TOP6BL: variants seen among roughly 807,000 people sequenced by gnomAD.
TOP6BL encodes type 2 DNA topoisomerase 6 subunit B-like.
chr11:66,823,835 A>G, the TOP6BL span, among the ~76,000 whole-genome samples: 1 of 152,196 alleles, frequency 6.6e-6, no homozygotes. Context: ...ATAAGAAAAA[A>G]AGAACAGAGC....
the TOP6BL span, among the ~76,000 whole-genome samples, chr11:66,811,196 C>T: frequency 6.6e-6 from 1 of 151,188 alleles, no homozygotes; most frequent in African/African-American, 2.4e-5. Context: ...GAGATGGAGT[C>T]TCACTCTGTT....
At chr11:66,841,203 C>T in the TOP6BL span, among the ~76,000 whole-genome samples, 3 of 150,696 alleles carry the variant, frequency 2.0e-5, no homozygotes, top group African/African-American at 7.3e-5. Context: ...TGCAACCTCC[C>T]TGCCTCCCAA....
chr11:66,823,155 G>C, the TOP6BL span, among the ~76,000 whole-genome samples: 15 of 152,004 alleles, frequency 9.9e-5, no homozygotes, highest in South Asian at 2.9e-3. Flanking sequence ...TTAGCCAGTC[G>C]TGGTGGCAGT....
chr11:66,814,096 G>T, the TOP6BL span: 2 of 1,419,564 alleles, frequency 1.4e-6, no homozygotes, highest in Non-Finnish European at 1.9e-6. Context: ...AATAGAACGT[G>T]TGTATAAAAA....
chr11:66,802,841 T>C, the TOP6BL span, among the ~76,000 whole-genome samples: 1 of 152,332 alleles, frequency 6.6e-6, no homozygotes, highest in East Asian at 1.9e-4. Flanking sequence ...AGGTAGCAGC[T>C]CATCATCATA....
chr11:66,816,971 C>T, the TOP6BL span, among the ~76,000 whole-genome samples: 8 of 151,912 alleles, frequency 5.3e-5, no homozygotes, highest in Non-Finnish European at 8.8e-5. Flanking sequence ...CTAGCTAACA[C>T]GGCGAAACCC....
the TOP6BL span, among the ~76,000 whole-genome samples, chr11:66,841,974 G>C: frequency 4.6e-5 from 7 of 152,170 alleles, no homozygotes; most frequent in African/African-American, 1.7e-4. Flanking sequence ...TCACTTTGGG[G>C]AGCTGGGGCG....
At chr11:66,833,617 T>C in the TOP6BL span, among the ~76,000 whole-genome samples, 1 of 152,036 alleles carries the variant, frequency 6.6e-6, no homozygotes, top group African/African-American at 2.4e-5. Flanking sequence ...TGAAGTACTT[T>C]TACTTGGGCC....
the TOP6BL span, chr11:66,843,471 G>T: frequency 7.0e-7 from 1 of 1,427,398 alleles, no homozygotes; most frequent in East Asian, 2.9e-5. Context: ...GGCGCTGGGC[G>T]GGGATGGGCT....
the TOP6BL span, among the ~76,000 whole-genome samples, chr11:66,806,394 T>G: frequency 6.6e-6 from 1 of 152,212 alleles, no homozygotes. Flanking sequence ...TAGCATATAA[T>G]GAGTACTCAA....
chr11:66,763,699 G>C, the TOP6BL span, among the ~76,000 whole-genome samples: 1 of 152,094 alleles, frequency 6.6e-6, no homozygotes, highest in African/African-American at 2.4e-5. Flanking sequence ...CAAGCTCCTG[G>C]ACTTGAGCCA....
At chr11:66,838,282 A>G in the TOP6BL span, 1 of 1,183,500 alleles carries the variant, frequency 8.4e-7, no homozygotes, top group Non-Finnish European at 1.2e-6. Flanking sequence ...TTGTGAGGTC[A>G]GTGAAGCCAC....
chr11:66,817,975 G>A, the TOP6BL span, among the ~76,000 whole-genome samples: 3 of 152,144 alleles, frequency 2.0e-5, no homozygotes, highest in African/African-American at 7.2e-5. Flanking sequence ...TAATCTTTGA[G>A]GAAAGTTACA....
chr11:66,761,661 C>A, the TOP6BL span: 1 of 1,102,582 alleles, frequency 9.1e-7, no homozygotes, highest in South Asian at 1.3e-5. Context: ...TCCACCAACT[C>A]ATCTGCAAAA....
chr11:66,839,213 A>G, the TOP6BL span: 1 of 456,192 alleles, frequency 2.2e-6, no homozygotes, highest in South Asian at 1.5e-5. Context: ...GCCAGGTACT[A>G]TTCTGAGCTT....
At chr11:66,786,371 G>A in the TOP6BL span, among the ~76,000 whole-genome samples, 1 of 151,380 alleles carries the variant, frequency 6.6e-6, no homozygotes, top group Admixed American at 6.6e-5. Context: ...AAAAATATTT[G>A]TATTATTTTA....
chr11:66,811,322 G>C, the TOP6BL span, among the ~76,000 whole-genome samples: 1 of 152,106 alleles, frequency 6.6e-6, no homozygotes, highest in Non-Finnish European at 1.5e-5. Flanking sequence ...CTCCCGAGTA[G>C]CTGGGACTAC....
the TOP6BL span, among the ~76,000 whole-genome samples, chr11:66,745,935 C>T: frequency 6.6e-6 from 1 of 152,142 alleles, no homozygotes; most frequent in South Asian, 2.1e-4. Context: ...CTCAGCCTCC[C>T]GAGTAGCTGG....
the TOP6BL span, among the ~76,000 whole-genome samples, chr11:66,763,562 G>A: frequency 3.3e-5 from 5 of 151,736 alleles, no homozygotes; most frequent in African/African-American, 7.3e-5. Context: ...CTCCCACCTC[G>A]GCCTCCCAAA....
Sources: allele counts gnomAD v4.1 joint callset (sites outside exome capture counted in the v4.1 genomes callset), GRCh38; gene constraint gnomAD v4.1.1; transcripts MANE v1.5; gene names NCBI Gene and HGNC (gene_info 2026-07-23, HGNC 2026-07-21).